The following DMTF1 variants were observed in gnomAD, a reference collection of about 807,000 sequenced individuals.
DMTF1 encodes the protein cyclin D binding myb like transcription factor 1.
Under a neutral mutation model 91.1 loss-of-function variants are expected in DMTF1, and 39 were observed. The observed-to-expected ratio is 0.43, with a 90% confidence interval of 0.33 to 0.56. The LOEUF (loss-of-function observed/expected upper bound fraction) is 0.56, where lower values mean the gene tolerates loss of function less well. Among genes scored for constraint, DMTF1 ranks in the 20% least tolerant of loss-of-function variants. The pLI, the probability that DMTF1 is intolerant of heterozygous loss-of-function variation, is 0.05. For synonymous variants in DMTF1, 338 were observed against 309.5 expected (o/e 1.09, Z -0.97); for missense variants, 750 against 914.5 (o/e 0.82, Z 2.32).
chr7:87,192,992 A>G (rs1041913274), intron 14 of DMTF1: 2 of 558,768 alleles, frequency 3.6e-6, no homozygotes, highest in Middle Eastern at 4.8e-4. Context: ...CTGAGACCAG[A>G]CCATAGAAAT....
intron 13 of DMTF1, among the ~76,000 whole-genome samples, chr7:87,189,256 TGTACATTGACTGTCAGAGTTACCTTA>T (rs1228932555): frequency 2.0e-5 from 3 of 152,198 alleles, no homozygotes; most frequent in African/African-American, 7.2e-5. Context: ...CATATATCCA[TGTACATTGACTGTCAGAGTTACCTTA>T]GAGACATTTA....
intron 7 of DMTF1, among the ~76,000 whole-genome samples, chr7:87,178,964 G>T (rs1796815869): frequency 6.6e-6 from 1 of 151,498 alleles, no homozygotes; most frequent in Admixed American, 6.6e-5. Context: ...AGTCAGTTTT[G>T]GTAAGTTGAT....
chr7:87,193,901 A>G lies in DMTF1; in HGVS notation c.1827A>G (p.Ala609=). The G allele has an allele frequency of 1.2e-6, 2 of 1,613,390 alleles. No homozygotes were observed. Among genetic ancestry groups the G allele is most frequent in the Non-Finnish European group, 1.7e-6 (2 of 1,179,610 alleles). The stretch of plus-strand genomic sequence containing the variant: ...CTGAGCCTCCAGACGCCCTAGAAGC[A>G]GACACTTTCCCAGATGAAATTCATC... ...DFPEPPDALE[A]DTFPDEIHHP... The change falls in exon 16 of 18, where the codon GCA becomes GCG. Residue 609 remains alanine (A), a synonymous_variant. Coordinates refer to ENST00000331242, the MANE Select transcript of DMTF1 (RefSeq NM_001142327.2).
At chr7:87,175,525 A>G (rs1007497801) in intron 7 of DMTF1, among the ~76,000 whole-genome samples, 1 of 152,250 alleles carries the variant, frequency 6.6e-6, no homozygotes, top group Non-Finnish European at 1.5e-5. Flanking sequence ...TTTTGAAGTC[A>G]GTGATCCATT....
Position 87,185,967 on chromosome 7 carries a change from T to C in DMTF1, c.1188T>C (p.Asp396=). 2.5e-6 allele frequency: 4 copies of C among 1,613,750 alleles called. No individual in the cohort carries two copies. The highest frequency in any genetic ancestry group is 3.4e-6 in the Non-Finnish European group (4 of 1,179,752). Residue 396 remains aspartate (D), a synonymous_variant, in exon 12 of 18, where the codon GAT becomes GAC. Transcript: ENST00000331242. ...TIKRQIANHK[D]VSFPVLIKGL... Reference sequence around the variant, plus strand: ...AAAGGCAAATTGCAAACCATAAGGATGTTTCGTTCCCTGGTAATGTATTAC... The same window carrying C: ...AAAGGCAAATTGCAAACCATAAGGACGTTTCGTTCCCTGGTAATGTATTAC...
At chr7:87,165,657 G>A (rs931508028) in intron 3 of DMTF1, among the ~76,000 whole-genome samples, 41 of 152,174 alleles carry the variant, frequency 2.7e-4, no homozygotes, top group African/African-American at 9.9e-4. Flanking sequence ...TCTTTATACA[G>A]AATTCTCTGT....
chr7:87,181,022 C>T (rs977958640), intron 8 of DMTF1, among the ~76,000 whole-genome samples: 2 of 151,966 alleles, frequency 1.3e-5, no homozygotes, highest in Non-Finnish European at 2.9e-5. Flanking sequence ...GCTAATTTTT[C>T]TGTTTTTGGT....
intron 8 of DMTF1, among the ~76,000 whole-genome samples, chr7:87,180,856 C>CTTTTTTTTT (rs397889347): frequency 1.6e-5 from 2 of 127,698 alleles, no homozygotes; most frequent in African/African-American, 5.9e-5. Context: ...TTATTTTCAA[C>CTTTTTTTTT]TTTTTTTTTT....
chr7:87,189,993 AGTG>A (rs1366636862), intron 13 of DMTF1, among the ~76,000 whole-genome samples: 9 of 152,124 alleles, frequency 5.9e-5, no homozygotes, highest in African/African-American at 2.2e-4. Flanking sequence ...ATAGCTGAGA[AGTG>A]TTGTAGTCAG....
At chr7:87,169,709 T>C (rs1562801338) in intron 4 of DMTF1, among the ~76,000 whole-genome samples, 2 of 152,222 alleles carry the variant, frequency 1.3e-5, no homozygotes, top group South Asian at 2.1e-4. Flanking sequence ...TTGGCAACTT[T>C]TGACAATATT....
chr7:87,159,763 T>C (rs1791763020), intron 1 of DMTF1, among the ~76,000 whole-genome samples: 4 of 152,224 alleles, frequency 2.6e-5, no homozygotes, highest in African/African-American at 7.2e-5. Context: ...GTGAGCATCA[T>C]AGAAAATACA....
intron 8 of DMTF1, among the ~76,000 whole-genome samples, chr7:87,180,423 C>T (rs551483179): frequency 3.2e-4 from 48 of 152,262 alleles, no homozygotes; most frequent in South Asian, 3.1e-3. Context: ...ATAAACTTTC[C>T]ATGCATTACA....
intron 13 of DMTF1, among the ~76,000 whole-genome samples, chr7:87,190,686 C>T (rs1428808319): frequency 6.6e-6 from 1 of 151,954 alleles, no homozygotes; most frequent in Non-Finnish European, 1.5e-5. Flanking sequence ...GGCTGTGTTC[C>T]AATAAACTTT....
In DMTF1 at chr7:87,188,392, A is replaced by G. The variant is rs878903214; in HGVS notation, c.1411+91A>G. On this transcript the variant is annotated intron_variant, in intron 13 of 17. Coordinates refer to ENST00000331242, the MANE Select transcript of DMTF1 (RefSeq NM_001142327.2). ...TCTTTTGGTTTTCTAGAATGTTAAT[A>G]GAAATTTACCCAAGTCGGTGAACTG... 3.6e-6 allele frequency: 5 copies of G among 1,371,206 alleles called. No homozygotes were observed. The South Asian group carries it at 4.9e-5, about 13-fold the overall frequency. 84.9% of individuals were successfully genotyped at this position (1,371,206 alleles called of 1,614,324 possible). A position where few individuals can be genotyped will look rare whatever the true frequency, so the allele number is the denominator to read the frequency against.
chr7:87,156,627 T>A (rs1454079241), intron 1 of DMTF1, among the ~76,000 whole-genome samples: 2 of 152,164 alleles, frequency 1.3e-5, no homozygotes, highest in Non-Finnish European at 2.9e-5. Flanking sequence ...GAAGATGTTA[T>A]GCTTATTCTA....
rs1800883738 is a variant in DMTF1 at position 87,194,842 on chromosome 7, A to C, written c.2173+14A>C. 6.3e-7 allele frequency: 1 copy of C among 1,593,590 alleles called. No homozygotes were observed. Among genetic ancestry groups the C allele is most frequent in the Non-Finnish European group, 8.5e-7 (1 of 1,170,724 alleles). ...CAACACTAACAGGTACTGTAATATA[A>C]TACTTACTATGTGCCTGATAAATTT... On this transcript the variant is annotated intron_variant, in intron 17 of 17. Coordinates refer to ENST00000331242, the MANE Select transcript of DMTF1 (RefSeq NM_001142327.2).
chr7:87,160,064 A>C (rs1387613695), intron 1 of DMTF1, among the ~76,000 whole-genome samples: 1 of 152,160 alleles, frequency 6.6e-6, no homozygotes, highest in African/African-American at 2.4e-5. Context: ...CCATAGGTTC[A>C]TGTATAATGA....
At chr7:87,166,271 T>G (rs938548258) in intron 3 of DMTF1, among the ~76,000 whole-genome samples, 2 of 152,224 alleles carry the variant, frequency 1.3e-5, no homozygotes, top group Non-Finnish European at 1.5e-5. Context: ...CTTTCAAGTT[T>G]AAGACACCGC....
In DMTF1 at chr7:87,179,697, G is replaced by T; in HGVS notation, c.672G>T (p.Val224=). 6.4e-7 allele frequency: 1 copy of T among 1,569,228 alleles called. No individual in the cohort carries two copies. Among genetic ancestry groups the T allele is most frequent in the South Asian group, 1.2e-5 (1 of 80,916 alleles). The change falls in exon 8 of 18, where the codon GTG becomes GTT. Residue 224 remains valine (V), a synonymous_variant. Transcript: ENST00000331242. ...VLRMYDDRNH[V]GKYTPEEIEK... is the part of the protein sequence containing the mutation. ...GCATGTATGATGACAGAAACCATGT[G>T]GGAAAGTATGAGAACTTGTAATGCT... is the stretch of plus-strand genomic sequence containing the variant.
Sources: gnomAD v4.1 joint callset for allele counts (sites outside exome capture counted in the v4.1 genomes callset) on GRCh38, gnomAD v4.1.1 for gene constraint, MANE v1.5 for transcripts, NCBI Gene and HGNC (gene_info 2026-07-23, HGNC 2026-07-21) for gene names.